Variants in POLL observed in about 807,000 individuals in gnomAD.
POLL encodes the protein DNA polymerase lambda.
POLL carries 44 observed loss-of-function variants against 58.1 expected under a neutral mutation model. That is an observed-to-expected ratio of 0.76 (90% CI 0.60 to 0.97). The LOEUF is 0.97. Ranked by LOEUF, POLL falls within the 50% of genes least tolerant of loss-of-function variation. POLL has a pLI of 0.00. For missense variants in POLL, 632 were observed against 736.8 expected (o/e 0.86, Z 1.65); for synonymous variants, 290 against 283.2 (o/e 1.02, Z -0.24).
intron 6 of POLL, 99 bp downstream of exon 6, chr10:101,583,409 G>C: frequency 2.2e-6 from 3 of 1,336,510 alleles, no homozygotes; most frequent in Non-Finnish European, 1.1e-6. Flanking sequence ...ATTCCCATCA[G>C]AGCACAGCAT....
At chr10:101,582,996 G>C in intron 6 of POLL, 105 bp from the exon 7 acceptor site, 1 of 1,441,598 alleles carries the variant, frequency 6.9e-7, no homozygotes, top group East Asian at 2.3e-5. Context: ...TCTAGGGAAG[G>C]CTAGAGGCAG....
intron 4 of POLL, 35 bp downstream of exon 4, chr10:101,585,281 G>A (rs761471915): frequency 6.7e-7 from 1 of 1,492,918 alleles, no homozygotes; most frequent in Non-Finnish European, 8.9e-7. Flanking sequence ...TGCTTCCTAG[G>A]GGAAGGGAGT....
Position 101,579,851 on chromosome 10 carries a change from G to GGAACC in POLL, c.1364-39_1364-35dup. Reference sequence around the variant, plus strand: ...ACAGAGGGGACTGCTGGGAGGGCAGGGAACCAGGCCTGGGCTGTCCCATCC... The same window carrying GGAACC: ...ACAGAGGGGACTGCTGGGAGGGCAGGGAACCGAACCAGGCCTGGGCTGTCCCATCC... On this transcript the variant is annotated intron_variant, in intron 8 of 8. Coordinates refer to ENST00000370162, the MANE Select transcript of POLL (RefSeq NM_001174084.2). The surrounding 1 kb of genome is among the most constrained non-coding windows in gnomAD (Gnocchi z 4.4). 6.3e-7 allele frequency: 1 copy of GGAACC among 1,592,898 alleles called. No individual in the cohort carries two copies. Among genetic ancestry groups the GGAACC allele is most frequent in the Non-Finnish European group, 8.6e-7 (1 of 1,169,216 alleles).
chr10:101,585,980 G>C lies in POLL; in HGVS notation c.292C>G (p.Leu98Val). 1 of 1,614,168 alleles carries C rather than the reference G, an allele frequency of 6.2e-7. No homozygotes were observed. Among genetic ancestry groups the C allele is most frequent in the African/African-American group, 1.3e-5 (1 of 75,048 alleles). The change falls in exon 3 of 9, where the codon CTC becomes GTC. Residue 98 changes from leucine to valine, a missense_variant. Physicochemically the swap from Leu to Val is conservative, Grantham distance 32. Transcript: ENST00000370162. ...GMDYERALRL[L>V]RLPQLPPGAQ... ...CCCGGGGGCAGCTGGGGTAGTCTGA[G>C]AAGGCGGAGGGCTCGCTCATAGTCC...
chr10:101,585,876 G>A lies in POLL; in HGVS notation c.396C>T (p.Ile132=). Residue 132 remains isoleucine, a synonymous_variant, in exon 3 of 9, where the codon ATC becomes ATT. Transcript: ENST00000370162. ...RRLVDVAGFS[I]FIPSRYLDHP... ...GATCAGCCCACCTACTGGGGATGAA[G>A]ATGCTGAATCCAGCTACATCCACCA... The A allele has an allele frequency of 6.3e-7, 1 of 1,579,498 alleles. No individual in the cohort carries two copies. Among genetic ancestry groups the A allele is most frequent in the Non-Finnish European group, 8.7e-7 (1 of 1,155,422 alleles).
intron 6 of POLL, chr10:101,583,263 G>C (rs1487612595): frequency 1.7e-6 from 1 of 597,082 alleles, no homozygotes; most frequent in African/African-American, 1.9e-5. Flanking sequence ...TGCTGGTCTG[G>C]GGAGACTGAG....
intron 1 of POLL, 132 bp downstream of exon 1, chr10:101,587,690 C>A: frequency 1.9e-6 from 2 of 1,036,226 alleles, no homozygotes; most frequent in Admixed American, 3.6e-5. Flanking sequence ...GCTAAAGATT[C>A]AGCACAGCCC....
chr10:101,579,693 A>C lies in POLL; in HGVS notation c.1488T>G (p.Tyr496Ter). 2 of 1,613,856 alleles carry C rather than the reference A, an allele frequency of 1.2e-6. No homozygotes were observed. The highest frequency in any genetic ancestry group is 2.2e-5 in the South Asian group (2 of 91,080). The change falls in exon 9 of 9, where the codon TAT becomes TAG. Residue 496 changes from tyrosine (Y) to a stop codon, truncating the protein, a stop_gained. Coordinates refer to ENST00000370162, the MANE Select transcript of POLL (RefSeq NM_001174084.2). LOFTEE classifies it high-confidence loss of function. This position sits in a 1 kb window ranked among gnomAD's most constrained non-coding sequence, Gnocchi z 4.4. Reference protein sequence around the residue: ...HRRLDIIVVPYSEFACALLYF... With the variant: ...HRRLDIIVVP ...AGAGCAGGGCACAGGCAAACTCGCT[A>C]TAGGGCACCACGATGATGTCCAGGC... is the stretch of plus-strand genomic sequence containing the variant.
In POLL at chr10:101,580,644, G is replaced by T; in HGVS notation, c.1195-228C>A. 2.0e-6 allele frequency: 1 copy of T among 493,200 alleles called. No individual in the cohort carries two copies. Among genetic ancestry groups the T allele is most frequent in the South Asian group, 2.7e-5 (1 of 36,800 alleles). 30.6% of individuals were successfully genotyped at this position (493,200 alleles called of 1,614,324 possible). A position where few individuals can be genotyped will look rare whatever the true frequency, so the allele number is the denominator to read the frequency against. ...GCAGGAGGCAAGCCTGAGGAGAGAC[G>T]GGAGAAGGTGCCGGCTCTGCTTCTG... is the stretch of plus-strand genomic sequence containing the variant. On this transcript the variant is annotated intron_variant, in intron 7 of 8. Transcript: ENST00000370162. The surrounding 1 kb of genome is among the most constrained non-coding windows in gnomAD (Gnocchi z 4.1).
Position 101,587,915 on chromosome 10 carries a change from G to A in POLL, c.-140C>T, listed in dbSNP as rs1220388267. 1.6e-6 allele frequency: 2 copies of A among 1,217,508 alleles called. No individual in the cohort carries two copies. Among genetic ancestry groups the A allele is most frequent in the Admixed American group, 3.1e-5 (1 of 31,906 alleles). The allele number at this position is 1,217,508 out of a possible 1,614,324, so 75.4% of individuals were successfully genotyped here. Reference sequence around the variant, plus strand: ...CTGGTCTCAGCCTCTCGACATGGGGGTGCTCAGCGCCGCAGCTGCGGGGAG... The same window carrying A: ...CTGGTCTCAGCCTCTCGACATGGGGATGCTCAGCGCCGCAGCTGCGGGGAG... On this transcript the variant is annotated 5_prime_UTR_variant, in exon 1 of 9. Transcript: ENST00000370162.
rs2062944512 is a variant in POLL, at chr10:101,580,782, A to C, written c.1195-366T>G. 5.3e-6 allele frequency: 1 copy of C among 188,104 alleles called. No individual in the cohort carries two copies. Among genetic ancestry groups the C allele is most frequent in the Non-Finnish European group, 1.1e-5 (1 of 91,558 alleles). 11.7% of individuals were successfully genotyped at this position (188,104 alleles called of 1,614,324 possible). On this transcript the variant is annotated intron_variant, in intron 7 of 8. Coordinates refer to ENST00000370162, the MANE Select transcript of POLL (RefSeq NM_001174084.2). The surrounding 1 kb of genome is among the most constrained non-coding windows in gnomAD (Gnocchi z 4.1). Reference sequence around the variant, plus strand: ...GGTCTGTGAAACTCCACTTAGGACAAGGGGCCAGGTGCTGAAAGCCCTCAG... The same window carrying C: ...GGTCTGTGAAACTCCACTTAGGACACGGGGCCAGGTGCTGAAAGCCCTCAG...
At position 101,584,919 on chromosome 10, in the gene POLL, G is replaced by A. The variant is rs1331452556; in HGVS notation, c.574C>T (p.Pro192Ser). ...TCACTGGCTTCATCATCAGAGATGGGCTTGGGATAGAGAAGAAAAGAAAAC... is the reference window on the plus strand; with the variant it reads ...TCACTGGCTTCATCATCAGAGATGGACTTGGGATAGAGAAGAAAAGAAAAC... Reference protein sequence around the residue: ...AKEAPNTQAQPISDDEASDGE... With the variant: ...AKEAPNTQAQSISDDEASDGE... The change falls in exon 5 of 9, where the codon CCC becomes TCC. Residue 192 changes from proline (P) to serine (S), a missense_variant and splice_region_variant. Pro to Ser is a moderately conservative substitution (Grantham distance 74). Coordinates refer to ENST00000370162, the MANE Select transcript of POLL (RefSeq NM_001174084.2). The A allele has an allele frequency of 1.4e-6, 2 of 1,406,310 alleles. No individual in the cohort carries two copies. The highest frequency in any genetic ancestry group is 2.5e-5 in the East Asian group (1 of 39,438). The allele number at this position is 1,406,310 out of a possible 1,614,324, so 87.1% of individuals were successfully genotyped here.
chr10:101,579,535 C>T lies in POLL; in HGVS notation c.1646G>A (p.Arg549Gln), dbSNP rs760781782. Residue 549 changes from arginine (R) to glutamine (Q), a missense_variant, in exon 9 of 9, where the codon CGA (arginine) becomes CAA (glutamine). By Grantham distance (43) the Arg-to-Gln change is conservative. Transcript: ENST00000370162. The surrounding 1 kb of genome is among the most constrained non-coding windows in gnomAD (Gnocchi z 4.4). The part of the protein sequence containing the change: ...NTHGCKVGPG[R>Q]VLPTPTEKDV... ...CTTCTCAGTGGGAGTGGGCAGCACT[C>T]GGCCAGGCCCCACCTTGCAGCCATG... 21 of 1,613,716 alleles carry T rather than the reference C, an allele frequency of 1.3e-5. No individual in the cohort carries two copies. The highest frequency in any genetic ancestry group is 1.2e-4 in the Admixed American group (7 of 59,998).
intron 7 of POLL, chr10:101,581,696 C>T (rs2062997749): frequency 6.6e-6 from 1 of 152,240 alleles, no homozygotes; most frequent in South Asian, 2.1e-4. Flanking sequence ...TAATCGCTAA[C>T]CCAACTCTAA....
rs934158724 is a variant in POLL at position 101,579,043 on chromosome 10, G to A, written c.*410C>T. 4.4e-6 allele frequency: 1 copy of A among 227,086 alleles called. No individual in the cohort carries two copies. Among genetic ancestry groups the A allele is most frequent in the Non-Finnish European group, 8.7e-6 (1 of 114,386 alleles). The allele number at this position is 227,086 out of a possible 1,614,324, so 14.1% of individuals were successfully genotyped here. A position where few individuals can be genotyped will look rare whatever the true frequency, so the allele number is the denominator to read the frequency against. On this transcript the variant is annotated 3_prime_UTR_variant, in exon 9 of 9. Coordinates refer to ENST00000370162, the MANE Select transcript of POLL (RefSeq NM_001174084.2). This position sits in a 1 kb window ranked among gnomAD's most constrained non-coding sequence, Gnocchi z 4.4. Reference sequence around the variant, plus strand: ...TCTCCTACCCCAGAGGGTGCCGGATGATGTTGACAGCACGGCTGCTTCCCT... The same window carrying A: ...TCTCCTACCCCAGAGGGTGCCGGATAATGTTGACAGCACGGCTGCTTCCCT...
intron 6 of POLL, 171 bp downstream of exon 6, chr10:101,583,337 A>G: frequency 1.6e-6 from 1 of 643,240 alleles, no homozygotes; most frequent in South Asian, 2.0e-5. Flanking sequence ...CTGTTCTGGG[A>G]GCTGAGGGGT....
At position 101,579,509 on chromosome 10, in the gene POLL, CCTT is replaced by C; in HGVS notation, c.1669_1671del (p.Lys557del). On this transcript the variant is annotated inframe_deletion, in exon 9 of 9. Coordinates refer to ENST00000370162, the MANE Select transcript of POLL (RefSeq NM_001174084.2). This position sits in a 1 kb window ranked among gnomAD's most constrained non-coding sequence, Gnocchi z 4.4. ...GGGAGGCCTAAGAGCCTGAAGACAT[CCTT>C]CTCAGTGGGAGTGGGCAGCACTCGG... is the stretch of plus-strand genomic sequence containing the variant. The C allele has an allele frequency of 6.2e-7, 1 of 1,613,700 alleles. No homozygotes were observed. The highest frequency in any genetic ancestry group is 8.5e-7 in the Non-Finnish European group (1 of 1,179,956).
chr10:101,587,222 G>C (rs373262610), intron 2 of POLL, 24 bp downstream of exon 2: 85 of 1,613,612 alleles, frequency 5.3e-5, no homozygotes, highest in Non-Finnish European at 7.0e-5. Context: ...AGCACACGAG[G>C]GTTCTGAGAC....
Position 101,580,370 on chromosome 10 carries a change from G to T in POLL, c.1241C>A (p.Ala414Glu), listed in dbSNP as rs1223829973. Residue 414 changes from alanine (A) to glutamate (E), a missense_variant, in exon 8 of 9, where the codon GCA (alanine) becomes GAA (glutamate). Coordinates refer to ENST00000370162, the MANE Select transcript of POLL (RefSeq NM_001174084.2). The surrounding 1 kb of genome is among the most constrained non-coding windows in gnomAD (Gnocchi z 4.1). ...QAFNSGLLCVACGSYRRGKAT... is the reference protein window; with the variant it reads ...QAFNSGLLCVECGSYRRGKAT... ...CTTTCCCCGTCGGTATGAACCACAT[G>T]CCACACACAGCAGCCCAGAGTTAAA... 2 of 1,613,922 alleles carry T rather than the reference G, an allele frequency of 1.2e-6. No homozygotes were observed. The highest frequency in any genetic ancestry group is 1.7e-6 in the Non-Finnish European group (2 of 1,180,000).
Sources: gnomAD v4.1 joint callset for allele counts on GRCh38, gnomAD v4.1.1 for gene constraint, Gnocchi (gnomAD v3.1) non-coding constraint, MANE v1.5 for transcripts, NCBI Gene and HGNC (gene_info 2026-07-23, HGNC 2026-07-21) for gene names.